The following CTNNA2 variants were observed in gnomAD, a reference collection of about 807,000 sequenced individuals.
The protein encoded by CTNNA2 is catenin alpha-2.
Under a neutral mutation model 101.0 loss-of-function variants are expected in CTNNA2, and 42 were observed. The ratio of observed to expected loss-of-function variants is 0.42; its 90% CI spans 0.32 to 0.54. The LOEUF (loss-of-function observed/expected upper bound fraction) is 0.54, where lower values mean the gene tolerates loss of function less well. Ranked by LOEUF, CTNNA2 falls within the 20% of genes least tolerant of loss-of-function variation. The pLI, the probability that CTNNA2 is intolerant of heterozygous loss-of-function variation, is 0.14. For missense variants in CTNNA2, 871 were observed against 1,223.1 expected (o/e 0.71, Z 4.29); for synonymous variants, 450 against 456.4 (o/e 0.99, Z 0.18).
intron 4 of CTNNA2, among the ~76,000 whole-genome samples, chr2:79,409,894 T>C (rs1027248549): frequency 1.4e-4 from 22 of 152,072 alleles, no homozygotes; most frequent in African/African-American, 4.1e-4. Flanking sequence ...CCTTGGGCAG[T>C]ATGGCCATTG....
At chr2:79,954,176 C>T (rs563739647) in intron 7 of CTNNA2, among the ~76,000 whole-genome samples, 10 of 152,206 alleles carry the variant, frequency 6.6e-5, no homozygotes, top group East Asian at 3.9e-4. Context: ...CATCAGATCA[C>T]GTGAGAATTC....
At chr2:79,220,700 T>C (rs561119352) in intron 2 of CTNNA2, among the ~76,000 whole-genome samples, 2 of 152,224 alleles carry the variant, frequency 1.3e-5, no homozygotes, top group South Asian at 2.1e-4. Flanking sequence ...AAATCTCTCC[T>C]CATAGAAACT....
chr2:79,787,498 G>A (rs993657148), intron 3 of CTNNA2, among the ~76,000 whole-genome samples: 1 of 152,080 alleles, frequency 6.6e-6, no homozygotes, highest in Non-Finnish European at 1.5e-5. Context: ...TTATCATTGT[G>A]TTCATTTCCT....
At chr2:79,435,656 A>C (rs1678704957) in intron 4 of CTNNA2, among the ~76,000 whole-genome samples, 1 of 152,242 alleles carries the variant, frequency 6.6e-6, no homozygotes, top group South Asian at 2.1e-4. Flanking sequence ...TAAGAAAAAT[A>C]ACATGACACT....
intron 3 of CTNNA2, among the ~76,000 whole-genome samples, chr2:79,323,835 C>G (rs943653746): frequency 6.6e-6 from 1 of 152,082 alleles, no homozygotes; most frequent in African/African-American, 2.4e-5. Context: ...GTTTTGTTTT[C>G]TTTTCTTCTT....
chr2:79,262,208 G>A (rs1380988338), intron 2 of CTNNA2, among the ~76,000 whole-genome samples: 1 of 152,024 alleles, frequency 6.6e-6, no homozygotes, highest in Non-Finnish European at 1.5e-5. Flanking sequence ...CCCTTAGAAA[G>A]GTACTCCTAT....
intron 7 of CTNNA2, among the ~76,000 whole-genome samples, chr2:79,956,406 A>G (rs1689225112): frequency 6.6e-6 from 1 of 152,186 alleles, no homozygotes; most frequent in Admixed American, 6.5e-5. Flanking sequence ...AAACACACCA[A>G]CAGTATATTG....
At chr2:80,545,431 G>C (rs574416105) in intron 10 of CTNNA2, among the ~76,000 whole-genome samples, 1 of 152,120 alleles carries the variant, frequency 6.6e-6, no homozygotes, top group Non-Finnish European at 1.5e-5. Flanking sequence ...TGTAGTCCCA[G>C]TTTACTGGGG....
chr2:79,296,656 T>C (rs1675986662), intron 2 of CTNNA2, among the ~76,000 whole-genome samples: 1 of 152,146 alleles, frequency 6.6e-6, no homozygotes, highest in Non-Finnish European at 1.5e-5. Context: ...AGTTGAATGA[T>C]GAAGTAAGAA....
At chr2:79,900,304 TAAG>T (rs1478013757) in intron 6 of CTNNA2, among the ~76,000 whole-genome samples, 1 of 152,210 alleles carries the variant, frequency 6.6e-6, no homozygotes, top group Non-Finnish European at 1.5e-5. Context: ...TTCTTTGTTT[TAAG>T]AAGGATTCCA....
intron 7 of CTNNA2, among the ~76,000 whole-genome samples, chr2:79,940,554 A>G (rs1688087169): frequency 6.6e-6 from 1 of 152,164 alleles, no homozygotes; most frequent in African/African-American, 2.4e-5. Context: ...GCAGCAGATG[A>G]AGGTTGCCAT....
intron 4 of CTNNA2, among the ~76,000 whole-genome samples, chr2:79,412,169 G>A (rs1678421255): frequency 6.6e-6 from 1 of 152,128 alleles, no homozygotes; most frequent in South Asian, 2.1e-4. Flanking sequence ...GAATGGTAAA[G>A]GGATGAATTC....
chr2:80,128,175 T>C lies in CTNNA2; in HGVS notation c.1056+218378T>C, dbSNP rs150578208. Among the ~76,000 whole-genome samples, 426 of 152,246 alleles carry C rather than the reference T, an allele frequency of 2.8e-3. 3 individuals carry two copies. Among genetic ancestry groups the C allele is most frequent in the African/African-American group, 9.8e-3 (406 of 41,566 alleles). On this transcript the variant is annotated intron_variant, in intron 7 of 18. Coordinates refer to ENST00000402739, the MANE Select transcript of CTNNA2 (RefSeq NM_001282597.3). ...TATCAGCCACTGGCAGAAGTTGTGA[T>C]TGGGTTTGAAATGTTTTTGACAATG...
intron 7 of CTNNA2, among the ~76,000 whole-genome samples, chr2:79,912,327 T>C (rs1432519751): frequency 6.6e-6 from 1 of 152,226 alleles, no homozygotes; most frequent in Non-Finnish European, 1.5e-5. Flanking sequence ...AGAGAAGCTG[T>C]GTATCACACC....
chr2:80,066,595 G>C (rs1413357749), intron 7 of CTNNA2, among the ~76,000 whole-genome samples: 1 of 152,140 alleles, frequency 6.6e-6, no homozygotes, highest in Non-Finnish European at 1.5e-5. Context: ...AATAAGTGTT[G>C]ATGAGGATTT....
chr2:79,719,368 G>A lies in CTNNA2; in HGVS notation c.103-25019G>A, dbSNP rs77230865. 9.8e-3 allele frequency among the ~76,000 whole-genome samples: 1,497 copies of A among 152,224 alleles called. 63 individuals are homozygous for A. The East Asian group carries it at 0.12, about 12-fold the overall frequency. ...TTGCTGTTGTGAACAGTGCAGTGAT[G>A]AACATATGCATGTGCGTGTCTTTTT... is the stretch of plus-strand genomic sequence containing the variant. On this transcript the variant is annotated intron_variant, in intron 2 of 18. Coordinates refer to ENST00000402739, the MANE Select transcript of CTNNA2 (RefSeq NM_001282597.3).
At chr2:79,387,391 T>C (rs1238808546) in intron 4 of CTNNA2, among the ~76,000 whole-genome samples, 1 of 152,226 alleles carries the variant, frequency 6.6e-6, no homozygotes, top group African/African-American at 2.4e-5. Context: ...GGAATCACTT[T>C]TCCATTCTGA....
intron 2 of CTNNA2, among the ~76,000 whole-genome samples, chr2:79,218,337 G>GTGTGTT (rs1441327950): frequency 5.2e-5 from 4 of 77,004 alleles, no homozygotes; most frequent in Non-Finnish European, 1.1e-4. Flanking sequence ...GTGTGTGTGT[G>GTGTGTT]TGTGTGTGTG....
At chr2:79,471,751 C>G (rs1035571189) in intron 4 of CTNNA2, among the ~76,000 whole-genome samples, 1 of 151,920 alleles carries the variant, frequency 6.6e-6, no homozygotes, top group Non-Finnish European at 1.5e-5. Flanking sequence ...GGCAGAAGAA[C>G]GGCCTGAACC....
Sources: allele counts gnomAD v4.1 joint callset (sites outside exome capture counted in the v4.1 genomes callset), GRCh38; gene constraint gnomAD v4.1.1; transcripts MANE v1.5; gene names NCBI Gene and HGNC (gene_info 2026-07-23, HGNC 2026-07-21).